Variants in ERBB4 observed in about 807,000 individuals in gnomAD.
ERBB4 encodes the protein receptor tyrosine-protein kinase erbB-4.
Under a neutral mutation model 158.0 loss-of-function variants are expected in ERBB4, and 42 were observed. That is an observed-to-expected ratio of 0.27 (90% confidence interval 0.21 to 0.34). The LOEUF (loss-of-function observed/expected upper bound fraction) is 0.34. Among genes scored for constraint, ERBB4 ranks in the 10% least tolerant of loss-of-function variants. ERBB4 has a pLI of 1.00. For missense variants in ERBB4, 1,333 were observed against 1,624.1 expected (o/e 0.82, Z 3.08); for synonymous variants, 583 against 558.7 (o/e 1.04, Z -0.61).
intron 20 of ERBB4, among the ~76,000 whole-genome samples, chr2:211,431,579 AT>A (rs2125432205): frequency 6.6e-6 from 1 of 152,316 alleles, no homozygotes; most frequent in South Asian, 2.1e-4. Flanking sequence ...CAAAATCACC[AT>A]TATAGATTCT....
intron 20 of ERBB4, among the ~76,000 whole-genome samples, chr2:211,445,889 C>A (rs916029033): frequency 4.6e-5 from 7 of 151,968 alleles, no homozygotes; most frequent in Admixed American, 3.3e-4. Context: ...ATTGATGATA[C>A]AGGTTGAGAA....
At chr2:212,417,050 A>G (rs1239392928) in intron 1 of ERBB4, among the ~76,000 whole-genome samples, 1 of 152,078 alleles carries the variant, frequency 6.6e-6, no homozygotes, top group Non-Finnish European at 1.5e-5. Flanking sequence ...TTATACTTTA[A>G]AAGAAATTTT....
chr2:212,319,001 C>T (rs1411405453), intron 1 of ERBB4, among the ~76,000 whole-genome samples: 7 of 151,546 alleles, frequency 4.6e-5, no homozygotes, highest in African/African-American at 1.7e-4. Flanking sequence ...AGATATACCA[C>T]ACTTTCAATC....
chr2:212,145,387 C>A (rs1398934608), intron 1 of ERBB4, among the ~76,000 whole-genome samples: 1 of 152,040 alleles, frequency 6.6e-6, no homozygotes, highest in Non-Finnish European at 1.5e-5. Flanking sequence ...TATTTTGGTA[C>A]CAATTGTTAT....
At chr2:211,933,618 T>C (rs2080234810) in intron 3 of ERBB4, among the ~76,000 whole-genome samples, 1 of 152,062 alleles carries the variant, frequency 6.6e-6, no homozygotes, top group Admixed American at 6.6e-5. Flanking sequence ...TTTTGTTACC[T>C]TCCTCTTTCT....
At chr2:212,293,856 A>C (rs1559945618) in intron 1 of ERBB4, among the ~76,000 whole-genome samples, 1 of 104,064 alleles carries the variant, frequency 9.6e-6, no homozygotes, top group African/African-American at 3.2e-5. Context: ...TCAAAAAAAA[A>C]AACAAAAAAA....
intron 1 of ERBB4, among the ~76,000 whole-genome samples, chr2:212,240,007 T>G (rs1308385878): frequency 6.6e-6 from 1 of 152,192 alleles, no homozygotes; most frequent in East Asian, 1.9e-4. Flanking sequence ...TAGATTAAAA[T>G]GTGCATATTG....
At chr2:211,655,535 T>G (rs2071179336) in intron 16 of ERBB4, among the ~76,000 whole-genome samples, 2 of 152,182 alleles carry the variant, frequency 1.3e-5, no homozygotes, top group Non-Finnish European at 2.9e-5. Context: ...GGCTCTGAAC[T>G]CAGAAAATCT....
At chr2:212,058,693 A>G (rs1242682794) in intron 2 of ERBB4, among the ~76,000 whole-genome samples, 1 of 152,212 alleles carries the variant, frequency 6.6e-6, no homozygotes, top group Non-Finnish European at 1.5e-5. Context: ...CAAAAATCGC[A>G]TGATTATCTC....
At chr2:211,726,317 A>T (rs562415060) in intron 5 of ERBB4, among the ~76,000 whole-genome samples, 1 of 152,140 alleles carries the variant, frequency 6.6e-6, no homozygotes, top group Non-Finnish European at 1.5e-5. Context: ...ACTGTCTACC[A>T]GTAAATGACT....
intron 3 of ERBB4, among the ~76,000 whole-genome samples, chr2:211,919,762 T>G (rs180759854): frequency 6.6e-6 from 1 of 152,140 alleles, no homozygotes; most frequent in East Asian, 1.9e-4. Flanking sequence ...TGGTCTGTGA[T>G]AAACAGACCC....
intron 2 of ERBB4, among the ~76,000 whole-genome samples, chr2:211,986,814 A>G (rs1483295491): frequency 1.3e-5 from 2 of 152,168 alleles, no homozygotes; most frequent in African/African-American, 4.8e-5. Context: ...ATTTTTACTA[A>G]TTACATCTAA....
chr2:211,698,460 A>G (rs2073108055), intron 12 of ERBB4, among the ~76,000 whole-genome samples: 1 of 151,916 alleles, frequency 6.6e-6, no homozygotes, highest in African/African-American at 2.4e-5. Context: ...ATATACGAAA[A>G]TATATATTTC....
rs530448955 is a variant in ERBB4, at chr2:211,593,254, G to A, written c.2301+25923C>T. On this transcript the variant is annotated intron_variant, in intron 19 of 27. Coordinates refer to ENST00000342788, the MANE Select transcript of ERBB4 (RefSeq NM_005235.3). ...CTAACAAACTTGAAGAAGAGAGAAG[G>A]GTTAAGGGCTCTGAGTGAAGCCAAG... is the stretch of plus-strand genomic sequence containing the variant. Among the ~76,000 whole-genome samples the A allele has an allele frequency of 3.9e-4, 59 of 152,218 alleles. No individual in the cohort carries two copies. The South Asian group carries it at 0.011, about 29-fold the overall frequency.
intron 2 of ERBB4, among the ~76,000 whole-genome samples, chr2:212,115,701 G>A (rs2079550978): frequency 6.6e-6 from 1 of 151,982 alleles, no homozygotes; most frequent in African/African-American, 2.4e-5. Flanking sequence ...TAGAAACAGG[G>A]TCTCACCATG....
rs1421888834 is a variant in ERBB4, at chr2:212,314,313, G to A, written c.83-189410C>T. On this transcript the variant is annotated intron_variant, in intron 1 of 27. Transcript: ENST00000342788. ...ACATTTTTACGTTAATTTTTTTCAA[G>A]CACTTTTTTTCTGAACACATTCCCA... is the stretch of plus-strand genomic sequence containing the variant. Among the ~76,000 whole-genome samples the A allele has an allele frequency of 4.0e-5, 6 of 150,472 alleles. No individual in the cohort carries two copies. The East Asian group carries it at 9.9e-4, about 25-fold the overall frequency.
intron 1 of ERBB4, among the ~76,000 whole-genome samples, chr2:212,242,542 A>G (rs1375689512): frequency 2.0e-5 from 3 of 152,172 alleles, no homozygotes; most frequent in East Asian, 3.8e-4. Flanking sequence ...GAAATTTCCA[A>G]TGAGAGGTGA....
rs2073273457 is a variant in ERBB4, at chr2:211,702,043, G to A, written c.1413C>T (p.Thr471=). The part of the protein sequence containing the change: ...TDNSNLCYYH[T]INWTTLFSTI... ...TGCTGAAGAGTGTTGTCCAGTTAAT[G>A]GTATGATAATAACACAGGTTGCTGT... Residue 471 remains threonine, a synonymous_variant, in exon 12 of 28, where the codon ACC becomes ACT. Transcript: ENST00000342788. 6.2e-7 allele frequency: 1 copy of A among 1,613,612 alleles called. No individual in the cohort carries two copies. Among genetic ancestry groups the A allele is most frequent in the Non-Finnish European group, 8.5e-7 (1 of 1,179,720 alleles).
At chr2:211,865,829 G>C (rs753439514) in intron 3 of ERBB4, among the ~76,000 whole-genome samples, 1 of 152,038 alleles carries the variant, frequency 6.6e-6, no homozygotes, top group Non-Finnish European at 1.5e-5. Context: ...TTATGAAATA[G>C]ACACATTATT....
Sources: allele counts gnomAD v4.1 joint callset (sites outside exome capture counted in the v4.1 genomes callset), GRCh38; gene constraint gnomAD v4.1.1; transcripts MANE v1.5; gene names NCBI Gene and HGNC (gene_info 2026-07-23, HGNC 2026-07-21).